The following KCNH5 variants were observed in gnomAD, a reference collection of about 807,000 sequenced individuals.
The protein encoded by KCNH5 is voltage-gated delayed rectifier potassium channel KCNH5.
In KCNH5, 46 loss-of-function variants were observed where a neutral mutation model predicts 96.1. That is an observed-to-expected ratio of 0.48 (90% CI 0.38 to 0.61). KCNH5 has a LOEUF of 0.61. Among genes scored for constraint, KCNH5 ranks in the 20% least tolerant of loss-of-function variants. The pLI, the probability that KCNH5 is intolerant of heterozygous loss-of-function variation, is 0.00. For synonymous variants in KCNH5, 439 were observed against 449.8 expected, an observed-to-expected ratio of 0.98 and a Z score of 0.30; for missense variants, 907 against 1,225.8, an observed-to-expected ratio of 0.74 and a Z score of 3.88.
At chr14:62,732,955 C>T (rs1178534186) in intron 10 of KCNH5, among the ~76,000 whole-genome samples, 1 of 151,906 alleles carries the variant, frequency 6.6e-6, no homozygotes, top group Non-Finnish European at 1.5e-5. Context: ...TCTCCTTCTT[C>T]TTGTCCCCCT....
chr14:62,725,279 A>G (rs971413774), intron 10 of KCNH5, among the ~76,000 whole-genome samples: 1 of 152,230 alleles, frequency 6.6e-6, no homozygotes, highest in Non-Finnish European at 1.5e-5. Context: ...TATACAGTCA[A>G]AATAGATCTC....
At chr14:62,949,682 C>T (rs1418333422) in intron 7 of KCNH5, 1 of 167,522 alleles carries the variant, frequency 6.0e-6, no homozygotes, top group Non-Finnish European at 1.3e-5. Context: ...TAAACCCTTT[C>T]TCCTAGTCTT....
At chr14:63,019,782 T>C (rs2139610719) in intron 1 of KCNH5, among the ~76,000 whole-genome samples, 1 of 152,190 alleles carries the variant, frequency 6.6e-6, no homozygotes, top group East Asian at 1.9e-4. Context: ...AAAAATTTCT[T>C]ATATAAGCCT....
chr14:62,736,535 T>A (rs117415926), intron 10 of KCNH5, among the ~76,000 whole-genome samples: 4,875 of 151,914 alleles, frequency 0.032, 140 homozygotes, highest in South Asian at 0.081. Context: ...GGCCCCAAGA[T>A]AACCTCCCTC....
At chr14:62,991,025 G>A (rs1890799549) in intron 4 of KCNH5, among the ~76,000 whole-genome samples, 1 of 151,932 alleles carries the variant, frequency 6.6e-6, no homozygotes. Context: ...CCCAATGTGG[G>A]GATTACAATT....
At chr14:62,894,021 A>G (rs1249499541) in intron 7 of KCNH5, among the ~76,000 whole-genome samples, 1 of 152,224 alleles carries the variant, frequency 6.6e-6, no homozygotes, top group Non-Finnish European at 1.5e-5. Flanking sequence ...ATTATGCCTC[A>G]TTGAAGACTC....
In KCNH5 at chr14:62,802,427, TC is replaced by T. The variant is rs1310452627; in HGVS notation, c.1723del (p.Asp575ThrfsTer33). On this transcript the variant is annotated frameshift_variant, in exon 9 of 11. Coordinates refer to ENST00000322893, the MANE Select transcript of KCNH5 (RefSeq NM_139318.5). LOFTEE classifies it high-confidence loss of function. ...ACTTTCTCCAGCATGGTAAATGAGG[TC>T]CCCGGGAGCACAGTGAATGGTTTGG... ...EFQTIHCAPG[D>X]LIYHAGESVD... The T allele has an allele frequency of 6.2e-7, 1 of 1,613,778 alleles. No individual in the cohort carries two copies. Among genetic ancestry groups the T allele is most frequent in the Non-Finnish European group, 8.5e-7 (1 of 1,179,946 alleles).
At chr14:63,003,505 T>TTA (rs1301572636) in intron 3 of KCNH5, among the ~76,000 whole-genome samples, 1 of 122,316 alleles carries the variant, frequency 8.2e-6, no homozygotes, top group Non-Finnish European at 1.6e-5. Context: ...TATATATATT[T>TTA]TATATATATT....
rs568428641 is a variant in KCNH5 at position 62,700,746 on chromosome 14, C to T, written c.*6762G>A. 287 of 152,226 alleles carry T rather than the reference C, an allele frequency of 1.9e-3. 1 individual carries two copies. The highest frequency in any genetic ancestry group is 6.8e-3 in the Admixed American group (104 of 15,280). The allele number at this position is 152,226 out of a possible 1,614,324, so 9.4% of individuals were successfully genotyped here. ...ACTAGCTAGGTATTCTTCCTGTTTG[C>T]AGTCTTGGCTTCATCAGGAATCTTT... On this transcript the variant is annotated 3_prime_UTR_variant, in exon 11 of 11. Transcript: ENST00000322893.
At chr14:62,948,185 C>T (rs1595696093) in intron 7 of KCNH5, among the ~76,000 whole-genome samples, 2 of 152,214 alleles carry the variant, frequency 1.3e-5, no homozygotes, top group Non-Finnish European at 2.9e-5. Flanking sequence ...GCATAGTATT[C>T]CATGGTGTAT....
At chr14:62,754,194 G>T (rs141911271) in intron 10 of KCNH5, among the ~76,000 whole-genome samples, 8 of 152,082 alleles carry the variant, frequency 5.3e-5, no homozygotes, top group African/African-American at 1.9e-4. Flanking sequence ...AAAATAATTG[G>T]TTATAATATA....
chr14:62,728,103 G>A (rs1884971874), intron 10 of KCNH5, among the ~76,000 whole-genome samples: 1 of 151,540 alleles, frequency 6.6e-6, no homozygotes. Flanking sequence ...AAAGCTGGTG[G>A]GGTGTGGTGG....
chr14:62,758,853 T>C (rs547795217), intron 10 of KCNH5, among the ~76,000 whole-genome samples: 1 of 152,016 alleles, frequency 6.6e-6, no homozygotes, highest in Non-Finnish European at 1.5e-5. Flanking sequence ...TAACAGAGGG[T>C]GTAGGGTGGA....
At position 62,719,964 on chromosome 14, in the gene KCNH5, T is replaced by C. The variant is rs113031127; in HGVS notation, c.2020-11509A>G. On this transcript the variant is annotated intron_variant, in intron 10 of 10. Coordinates refer to ENST00000322893, the MANE Select transcript of KCNH5 (RefSeq NM_139318.5). ...AAGCTCTGTTTTGGAGTTAGGAATA[T>C]ATCTGTAAACAAAGCAAAAATCCTG... Among the ~76,000 whole-genome samples the C allele has an allele frequency of 2.4e-3, 363 of 152,318 alleles. 2 individuals are homozygous for C. Among genetic ancestry groups the C allele is most frequent in the African/African-American group, 8.1e-3 (335 of 41,576 alleles).
chr14:62,908,883 C>G (rs998961714), intron 7 of KCNH5, among the ~76,000 whole-genome samples: 70 of 134,402 alleles, frequency 5.2e-4, no homozygotes, highest in African/African-American at 1.7e-3. Context: ...AATCACCAAA[C>G]TTGGGGGTGG....
intron 9 of KCNH5, among the ~76,000 whole-genome samples, chr14:62,783,323 G>A (rs1053245129): frequency 2.6e-5 from 4 of 152,174 alleles, no homozygotes; most frequent in Admixed American, 6.5e-5. Flanking sequence ...TTTGTAAACA[G>A]AAGAGATCAA....
At chr14:62,898,267 G>A in intron 7 of KCNH5, among the ~76,000 whole-genome samples, 1 of 152,128 alleles carries the variant, frequency 6.6e-6, no homozygotes, top group East Asian at 1.9e-4. Context: ...GAACAGAAGT[G>A]AACAATGGCA....
chr14:62,960,876 T>A (rs922302815), intron 6 of KCNH5, among the ~76,000 whole-genome samples: 7 of 152,172 alleles, frequency 4.6e-5, no homozygotes, highest in African/African-American at 1.7e-4. Context: ...AAAACCTGTA[T>A]TAGCCAATTC....
chr14:62,951,911 C>T (rs1310469800), intron 6 of KCNH5, among the ~76,000 whole-genome samples: 2 of 134,884 alleles, frequency 1.5e-5, no homozygotes, highest in African/African-American at 2.8e-5. Flanking sequence ...TGCAGTGAGC[C>T]GAGATCATGC....
Sources: gnomAD v4.1 joint callset for allele counts (sites outside exome capture counted in the v4.1 genomes callset) on GRCh38, gnomAD v4.1.1 for gene constraint, MANE v1.5 for transcripts, NCBI Gene and HGNC (gene_info 2026-07-23, HGNC 2026-07-21) for gene names.